ST3GAL2: variants seen among roughly 807,000 people sequenced by gnomAD.
ST3GAL2 encodes the protein CMP-N-acetylneuraminate-beta-galactosamide-alpha-2,3-sialyltransferase 2.
In ST3GAL2, 16 loss-of-function variants were observed where a neutral mutation model predicts 37.5. The ratio of observed to expected loss-of-function variants is 0.43; its 90% CI spans 0.29 to 0.65. ST3GAL2 has a LOEUF of 0.65. ST3GAL2 is among the 30% of genes least tolerant of loss of function. The pLI is 0.17. For synonymous variants in ST3GAL2, 238 were observed against 202.9 expected (o/e 1.17, Z -1.47); for missense variants, 383 against 487.8 (o/e 0.79, Z 2.02).
chr16:70,381,187 C>G lies in ST3GAL2; in HGVS notation c.*502G>C, dbSNP rs555892961. The G allele has an allele frequency of 6.5e-6, 1 of 153,888 alleles. No individual in the cohort carries two copies. The highest frequency in any genetic ancestry group is 1.9e-4 in the South Asian group (1 of 5,388). 9.5% of individuals were successfully genotyped at this position (153,888 alleles called of 1,614,324 possible). A position where few individuals can be genotyped will look rare whatever the true frequency, so the allele number is the denominator to read the frequency against. On this transcript the variant is annotated 3_prime_UTR_variant, in exon 7 of 7. Coordinates refer to ENST00000342907, the MANE Select transcript of ST3GAL2 (RefSeq NM_006927.4). The stretch of plus-strand genomic sequence containing the variant: ...CAGCGACCGCTTTTCTTTGGTGGGT[C>G]TGCACGCACCTATCCGGGCAGGCGG...
At chr16:70,425,449 G>C (rs1408774207) in intron 1 of ST3GAL2, among the ~76,000 whole-genome samples, 4 of 151,926 alleles carry the variant, frequency 2.6e-5, no homozygotes, top group Admixed American at 6.6e-5. Flanking sequence ...GTGACAGAGT[G>C]AGACTCCGTC....
chr16:70,413,566 A>AC (rs2047654366), intron 1 of ST3GAL2, among the ~76,000 whole-genome samples: 1 of 137,086 alleles, frequency 7.3e-6, no homozygotes, highest in African/African-American at 3.2e-5. Flanking sequence ...AATACAAAAA[A>AC]AAAAAAAAAA....
At chr16:70,399,701 G>C (rs74026022) in intron 1 of ST3GAL2, 168 bp from the exon 2 acceptor site, 15,937 of 357,696 alleles carry the variant, frequency 0.045, 2,242 homozygotes, top group African/African-American at 0.3. Flanking sequence ...TAGCATCACT[G>C]TGTGGGACTC....
chr16:70,428,474 G>A (rs547637043), intron 1 of ST3GAL2, among the ~76,000 whole-genome samples: 2 of 152,224 alleles, frequency 1.3e-5, no homozygotes, highest in Non-Finnish European at 2.9e-5. Flanking sequence ...CCCCTCCCCC[G>A]CTTCCTGTAA....
chr16:70,413,277 AT>A (rs1167655306), intron 1 of ST3GAL2, among the ~76,000 whole-genome samples: 1 of 150,098 alleles, frequency 6.7e-6, no homozygotes, highest in African/African-American at 2.5e-5. Context: ...TTAGCTGGGC[AT>A]GGTGGCAAGT....
chr16:70,408,947 C>G (rs74026024), intron 1 of ST3GAL2, among the ~76,000 whole-genome samples: 5,309 of 106,072 alleles, frequency 0.05, 347 homozygotes, highest in African/African-American at 0.19. Flanking sequence ...AATAAAGAAA[C>G]GGCCTCTAAG....
chr16:70,381,692 G>T lies in ST3GAL2; in HGVS notation c.1050C>A (p.Asn350Lys), dbSNP rs942319982. 1 of 1,613,340 alleles carries T rather than the reference G, an allele frequency of 6.2e-7. No individual in the cohort carries two copies. The highest frequency in any genetic ancestry group is 1.3e-5 in the African/African-American group (1 of 75,064). ...KASKIEVYRG[N>K] ...AAGGGTCGCGGCGAGGCCCGGCTCA[G>T]TTGCCCCGGTAGACTTCGATCTTGC... is the stretch of plus-strand genomic sequence containing the variant. The change falls in exon 7 of 7, where the codon AAC (asparagine) becomes AAA (lysine). Residue 350 changes from asparagine (N) to lysine (K), a missense_variant. Around this residue, in one of 2 missense-constraint regions of ST3GAL2, gnomAD observed 160 missense variants for 248.6 expected, o/e 0.64. Transcript: ENST00000342907.
intron 1 of ST3GAL2, among the ~76,000 whole-genome samples, chr16:70,422,687 A>G (rs892244968): frequency 1.3e-5 from 2 of 152,164 alleles, no homozygotes; most frequent in African/African-American, 4.8e-5. Context: ...CTCAGAGTCC[A>G]AAGCCCTCAT....
chr16:70,402,283 C>CAAAAAAAAAAAAA (rs1042560583), intron 1 of ST3GAL2, among the ~76,000 whole-genome samples: 3 of 40,712 alleles, frequency 7.4e-5, no homozygotes, highest in Non-Finnish European at 1.4e-4. Flanking sequence ...AACTATTTCT[C>CAAAAAAAAAAAAA]AAAAAAAAAA....
chr16:70,381,650 C>A lies in ST3GAL2; in HGVS notation c.*39G>T. ...TGGGTCCCGGGCCGGAGCCCCGGTG[C>A]CCGATAGATGGGCCGGAAGGGTCGC... On this transcript the variant is annotated 3_prime_UTR_variant, in exon 7 of 7. Transcript: ENST00000342907. The A allele has an allele frequency of 6.2e-7, 1 of 1,602,338 alleles. No homozygotes were observed. Among genetic ancestry groups the A allele is most frequent in the South Asian group, 1.1e-5 (1 of 90,358 alleles).
At chr16:70,391,723 G>A (rs1302821020) in intron 3 of ST3GAL2, among the ~76,000 whole-genome samples, 2 of 152,312 alleles carry the variant, frequency 1.3e-5, no homozygotes, top group East Asian at 3.9e-4. Flanking sequence ...GGTGACACAG[G>A]CTGGCCGGGG....
intron 1 of ST3GAL2, chr16:70,400,451 T>A (rs2047547705): frequency 6.6e-6 from 1 of 152,566 alleles, no homozygotes; most frequent in South Asian, 2.1e-4. Context: ...GCGGTGCTGC[T>A]GACCTAGCCC....
intron 1 of ST3GAL2, among the ~76,000 whole-genome samples, chr16:70,408,707 C>G (rs2047611239): frequency 1.3e-5 from 2 of 151,754 alleles, no homozygotes; most frequent in Admixed American, 1.3e-4. Context: ...TCTGGTACCT[C>G]TTGATGCCGC....
chr16:70,437,900 C>T (rs1433192297), intron 1 of ST3GAL2, among the ~76,000 whole-genome samples: 3 of 152,126 alleles, frequency 2.0e-5, no homozygotes, highest in African/African-American at 4.8e-5. Flanking sequence ...TGTTACTGGC[C>T]AGAGGTCCCA....
chr16:70,416,368 C>T (rs933999807), intron 1 of ST3GAL2, among the ~76,000 whole-genome samples: 1 of 152,178 alleles, frequency 6.6e-6, no homozygotes, highest in Admixed American at 6.5e-5. Context: ...CAAGCCAGAA[C>T]TGGCCCACAT....
chr16:70,406,964 C>A (rs1204784679), intron 1 of ST3GAL2, among the ~76,000 whole-genome samples: 1 of 152,100 alleles, frequency 6.6e-6, no homozygotes, highest in Non-Finnish European at 1.5e-5. Context: ...CATCGAGTGT[C>A]GTCCTGGAGG....
At chr16:70,395,268 C>T (rs1567668357) in intron 2 of ST3GAL2, 93 bp from the exon 3 acceptor site, 2 of 1,226,846 alleles carry the variant, frequency 1.6e-6, no homozygotes, top group Non-Finnish European at 2.3e-6. Context: ...CCTCACTATC[C>T]TGTGTCTGGG....
chr16:70,428,806 G>A (rs889137292), intron 1 of ST3GAL2, among the ~76,000 whole-genome samples: 6 of 152,170 alleles, frequency 3.9e-5, no homozygotes, highest in South Asian at 2.1e-4. Context: ...GATCTGCCAC[G>A]TGGCTGTGCG....
chr16:70,434,167 A>T (rs1046266555), intron 1 of ST3GAL2, among the ~76,000 whole-genome samples: 10 of 152,198 alleles, frequency 6.6e-5, no homozygotes, highest in Non-Finnish European at 1.5e-4. Context: ...GGCCAGGCAC[A>T]GTGTCTCACA....
Sources: gnomAD v4.1 joint callset for allele counts (sites outside exome capture counted in the v4.1 genomes callset) on GRCh38, gnomAD v4.1.1 for gene constraint, gnomAD v4.1.1 regional missense constraint, MANE v1.5 for transcripts, NCBI Gene and HGNC (gene_info 2026-07-23, HGNC 2026-07-21) for gene names.